The following KDM6A variants were observed in gnomAD, a reference collection of about 807,000 sequenced individuals.
The protein encoded by KDM6A is lysine demethylase 6A, also known as lysine-specific demethylase 6A.
In KDM6A, 11 loss-of-function variants were observed where a neutral mutation model predicts 117.6. The ratio of observed to expected loss-of-function variants is 0.09; its 90% CI spans 0.06 to 0.15. KDM6A has a LOEUF of 0.15. Among genes scored for constraint, KDM6A ranks in the 10% least tolerant of loss-of-function variants. The pLI is 1.00. For missense variants in KDM6A, 799 were observed against 1,077.3 expected (o/e 0.74, Z 3.62); for synonymous variants, 384 against 396.1 (o/e 0.97, Z 0.36).
chrX:44,897,181 TGACA>T (rs2033953743), intron 2 of KDM6A, among the ~76,000 whole-genome samples: 1 of 106,042 alleles, frequency 9.4e-6, no homozygotes, highest in Non-Finnish European at 1.9e-5. Context: ...TTGTTTAGAT[TGACA>T]TAATTCTACT....
At chrX:44,963,710 C>T (rs2038856272) in intron 3 of KDM6A, among the ~76,000 whole-genome samples, 1 of 110,093 alleles carries the variant, frequency 9.1e-6, no homozygotes, top group Admixed American at 9.7e-5. Context: ...GAATCAACTT[C>T]TTCCAGACTC....
At chrX:44,924,293 C>T (rs987621954) in intron 2 of KDM6A, among the ~76,000 whole-genome samples, 6 of 111,641 alleles carry the variant, frequency 5.4e-5, no homozygotes, top group African/African-American at 6.5e-5. Context: ...TCCTATTGTT[C>T]GCATCTACGT....
At chrX:44,976,339 A>G (rs764276257) in intron 4 of KDM6A, among the ~76,000 whole-genome samples, 3 of 111,517 alleles carry the variant, frequency 2.7e-5, no homozygotes, top group Non-Finnish European at 5.6e-5. Context: ...CAAGGTTCAT[A>G]TATGTTATAG....
chrX:45,092,419 G>A (rs1276426582), intron 27 of KDM6A, among the ~76,000 whole-genome samples: 3 of 111,856 alleles, frequency 2.7e-5, no homozygotes, highest in Non-Finnish European at 5.6e-5. Context: ...TGGTCATCCA[G>A]TGACTTCTTA....
intron 2 of KDM6A, among the ~76,000 whole-genome samples, chrX:44,887,338 T>C (rs1163404050): frequency 1.8e-5 from 2 of 111,749 alleles, no homozygotes; most frequent in Non-Finnish European, 3.8e-5. Flanking sequence ...ACAAACATTT[T>C]ATATATGATT....
At chrX:45,058,851 T>A (rs975132208) in intron 10 of KDM6A, among the ~76,000 whole-genome samples, 155 bp from the exon 11 acceptor site, 2 of 111,700 alleles carry the variant, frequency 1.8e-5, no homozygotes, top group African/African-American at 6.5e-5. Context: ...TCATTATAGT[T>A]AACAAGTATA....
chrX:44,930,971 C>T, intron 2 of KDM6A, among the ~76,000 whole-genome samples: 1 of 111,868 alleles, frequency 8.9e-6, no homozygotes, highest in Non-Finnish European at 1.9e-5. Flanking sequence ...TGTTTTGACC[C>T]TCTGCCTTAT....
At chrX:44,976,480 A>T (rs933924608) in intron 4 of KDM6A, among the ~76,000 whole-genome samples, 7 of 111,533 alleles carry the variant, frequency 6.3e-5, no homozygotes, top group Non-Finnish European at 1.3e-4. Context: ...ATGATAAAGT[A>T]TTTGTATATC....
At position 45,072,755 on chromosome X, in the gene KDM6A, CAGAA is replaced by C. The variant is rs775908220; in HGVS notation, c.2858+2402_2858+2405del. Among the ~76,000 whole-genome samples, 20 of 109,649 alleles carry C rather than the reference CAGAA, an allele frequency of 1.8e-4. No individual in the cohort carries two copies. In the East Asian group the frequency reaches 4.0e-3, roughly 22 times the overall value. ...CATGGGACCTAAGGAGGAATATTGT[CAGAA>C]AGAGTTCCATGGAGCTATGTTCTGT... On this transcript the variant is annotated intron_variant, in intron 18 of 29. Coordinates refer to ENST00000611820, the MANE Select transcript of KDM6A (RefSeq NM_001291415.2).
intron 6 of KDM6A, among the ~76,000 whole-genome samples, chrX:45,023,078 T>C (rs2042235480): frequency 8.9e-6 from 1 of 112,485 alleles, no homozygotes; most frequent in African/African-American, 3.2e-5. Flanking sequence ...CACATGGCCA[T>C]TCCTAATTGA....
intron 21 of KDM6A, among the ~76,000 whole-genome samples, chrX:45,081,734 A>C (rs1197264249): frequency 9.0e-6 from 1 of 111,659 alleles, no homozygotes; most frequent in Non-Finnish European, 1.9e-5. Context: ...AGGAAGTTGG[A>C]TACCATGCCG....
rs2147960021 is a variant in KDM6A, at chrX:45,059,300, G to A, written c.1028G>A (p.Cys343Tyr). Residue 343 changes from cysteine to tyrosine, a missense_variant, in exon 12 of 30, where the codon TGT becomes TAT. By Grantham distance (194) the Cys-to-Tyr change is radical. Transcript: ENST00000611820. ...ATGGATGCTTTACAGGCCTATATTT[G>A]TGCTGTACAATTGGACCATGGCCAT... The part of the protein sequence containing the change: ...QPMDALQAYI[C>Y]AVQLDHGHAA... 1 of 1,210,932 alleles carries A rather than the reference G, an allele frequency of 8.3e-7. No homozygotes were observed. Among genetic ancestry groups the A allele is most frequent in the Non-Finnish European group, 1.1e-6 (1 of 895,316 alleles).
At chrX:45,083,988 G>T (rs953014393) in intron 24 of KDM6A, among the ~76,000 whole-genome samples, 6 of 111,969 alleles carry the variant, frequency 5.4e-5, no homozygotes, top group African/African-American at 1.6e-4. Context: ...GAATGCACAT[G>T]TATGTATACA....
intron 8 of KDM6A, among the ~76,000 whole-genome samples, chrX:45,041,494 ACGGGG>A (rs1569528339): frequency 3.8e-5 from 4 of 104,000 alleles, no homozygotes; most frequent in African/African-American, 1.5e-4. Flanking sequence ...CACTTCCCAG[ACGGGG>A]TGGCTGCCGG....
chrX:45,064,350 G>T (rs1054421846), intron 17 of KDM6A, among the ~76,000 whole-genome samples: 2 of 111,315 alleles, frequency 1.8e-5, no homozygotes, highest in East Asian at 5.7e-4. Context: ...GGTGAAGTGT[G>T]CCTAGAAGAT....
chrX:45,017,197 C>G (rs1236391036), intron 5 of KDM6A, among the ~76,000 whole-genome samples: 1 of 112,006 alleles, frequency 8.9e-6, no homozygotes, highest in Non-Finnish European at 1.9e-5. Flanking sequence ...AAACTGTAAA[C>G]CTTTCCAGGG....
At chrX:44,895,074 T>TTTTATTTATTTATTTA (rs200356311) in intron 2 of KDM6A, among the ~76,000 whole-genome samples, 2 of 91,701 alleles carry the variant, frequency 2.2e-5, no homozygotes, top group Non-Finnish European at 4.2e-5. Context: ...GCAACTTTTA[T>TTTTATTTATTTATTTA]TTTATTTATT....
chrX:45,047,674 CTTTTTTTTTTTTT>C (rs78749806), intron 8 of KDM6A, among the ~76,000 whole-genome samples: 5 of 36,334 alleles, frequency 1.4e-4, no homozygotes, highest in African/African-American at 2.7e-4. Context: ...CTTTTTTTTT[CTTTTTTTTTTTTT>C]TTTTTTTTTT....
At chrX:45,082,890 AT>A (rs753724310) in intron 23 of KDM6A, 101 bp downstream of exon 23, 39 of 554,088 alleles carry the variant, frequency 7.0e-5, no homozygotes, top group South Asian at 4.7e-4. Flanking sequence ...ATTTATTGTC[AT>A]TTTTTTTAAG....
Sources: gnomAD v4.1 joint callset for allele counts (sites outside exome capture counted in the v4.1 genomes callset) on GRCh38, gnomAD v4.1.1 for gene constraint, MANE v1.5 for transcripts, NCBI Gene and HGNC (gene_info 2026-07-23, HGNC 2026-07-21) for gene names.